XIRP2: variants seen among roughly 807,000 people sequenced by gnomAD.
The protein encoded by XIRP2 is xin actin-binding repeat-containing protein 2.
Under a neutral mutation model 277.0 loss-of-function variants are expected in XIRP2, and 236 were observed. That is an observed-to-expected ratio of 0.85 (90% CI 0.77 to 0.95). XIRP2 has a LOEUF of 0.95. XIRP2 is among the 40% of genes least tolerant of loss of function. The pLI is 0.00. For missense variants in XIRP2, 4,640 were observed against 4,157.5 expected (o/e 1.12, Z -3.19); for synonymous variants, 1,490 against 1,416.5 (o/e 1.05, Z -1.17).
chr2:167,151,150 A>G (rs79662242), intron 3 of XIRP2, among the ~76,000 whole-genome samples: 15,119 of 152,102 alleles, frequency 0.099, 810 homozygotes, highest in South Asian at 0.15. Flanking sequence ...TCATATTGCT[A>G]CTAAGCAATC....
chr2:167,020,207 T>C (rs754501544), intron 2 of XIRP2, among the ~76,000 whole-genome samples: 9 of 151,972 alleles, frequency 5.9e-5, no homozygotes, highest in African/African-American at 1.4e-4. Context: ...TCCTAAAAAA[T>C]AATACTAAAA....
intron 1 of XIRP2, among the ~76,000 whole-genome samples, chr2:166,897,314 C>T (rs958166778): frequency 5.3e-5 from 8 of 152,092 alleles, no homozygotes; most frequent in Admixed American, 5.2e-4. Flanking sequence ...GTGCCTACTG[C>T]CCTGTTGCTG....
intron 2 of XIRP2, among the ~76,000 whole-genome samples, chr2:166,940,860 G>T (rs528097788): frequency 1.3e-5 from 2 of 152,330 alleles, no homozygotes; most frequent in Admixed American, 6.5e-5. Flanking sequence ...GCCCCTACTT[G>T]GGGGTGCCTC....
At chr2:167,022,339 A>C (rs1376505498) in intron 2 of XIRP2, among the ~76,000 whole-genome samples, 1 of 152,138 alleles carries the variant, frequency 6.6e-6, no homozygotes. Context: ...TATGCAATAC[A>C]TGCTAAAGAC....
intron 3 of XIRP2, among the ~76,000 whole-genome samples, chr2:167,165,375 C>T (rs765549414): frequency 1.3e-5 from 2 of 152,148 alleles, no homozygotes; most frequent in African/African-American, 4.8e-5. Context: ...ATCATGATTG[C>T]TCAATCATAT....
At chr2:167,001,397 T>G (rs543614418) in intron 2 of XIRP2, among the ~76,000 whole-genome samples, 1 of 152,278 alleles carries the variant, frequency 6.6e-6, no homozygotes, top group African/African-American at 2.4e-5. Flanking sequence ...TCATATTGAA[T>G]AAGCAGATAA....
rs189006723 is a variant in XIRP2, at chr2:166,936,555, T to G, written c.408+32665T>G. Reference sequence around the variant, plus strand: ...GTTTTCATAGCTTTAGGTCTAACATTTAAGTCTATAATCCATCTTGAATTA... The same window carrying G: ...GTTTTCATAGCTTTAGGTCTAACATGTAAGTCTATAATCCATCTTGAATTA... On this transcript the variant is annotated intron_variant, in intron 2 of 10. Coordinates refer to ENST00000409195, the MANE Select transcript of XIRP2 (RefSeq NM_152381.6). Among the ~76,000 whole-genome samples the G allele has an allele frequency of 2.3e-3, 357 of 152,346 alleles. 2 individuals are homozygous for G. The highest frequency in any genetic ancestry group is 8.1e-3 in the African/African-American group (335 of 41,574).
In XIRP2 at chr2:166,907,212, T is replaced by A. The variant is rs530319265; in HGVS notation, c.408+3322T>A. On this transcript the variant is annotated intron_variant, in intron 2 of 10. Transcript: ENST00000409195. ...TATAATCCAAAGATACAAATTCGTG[T>A]AAGCATCCTCTCAAATAAATGACAT... 6.4e-4 allele frequency among the ~76,000 whole-genome samples: 98 copies of A among 152,300 alleles called. 3 individuals are homozygous for A. The highest frequency in any genetic ancestry group is 2.2e-3 in the African/African-American group (92 of 41,584).
chr2:166,941,959 GGTTCT>G (rs1473892176), intron 2 of XIRP2, among the ~76,000 whole-genome samples: 1 of 152,100 alleles, frequency 6.6e-6, no homozygotes, highest in East Asian at 1.9e-4. Context: ...GTATTTATCT[GGTTCT>G]GCTCTCCATC....
chr2:167,040,034 A>G (rs544527310), intron 2 of XIRP2, among the ~76,000 whole-genome samples: 1 of 152,296 alleles, frequency 6.6e-6, no homozygotes, highest in South Asian at 2.1e-4. Context: ...GTTCTATAAT[A>G]TGGATTGCTA....
intron 2 of XIRP2, among the ~76,000 whole-genome samples, chr2:167,019,416 T>C (rs140915703): frequency 1.3e-5 from 2 of 152,118 alleles, no homozygotes; most frequent in African/African-American, 4.8e-5. Flanking sequence ...GATAAGATTA[T>C]TTAGAAGGGT....
At chr2:167,220,788 A>T (rs1285126518) in intron 5 of XIRP2, among the ~76,000 whole-genome samples, 4 of 152,356 alleles carry the variant, frequency 2.6e-5, no homozygotes, top group Middle Eastern at 3.4e-3. Flanking sequence ...AGTTCTCAGC[A>T]TATGGTTTTC....
rs182973009 is a variant in XIRP2 at position 166,909,254 on chromosome 2, A to G, written c.408+5364A>G. ...TGATTCTTCCTATCCACGAGCATGG[A>G]ATGTTCTTCCATTTGTTTCTGACCT... On this transcript the variant is annotated intron_variant, in intron 2 of 10. Transcript: ENST00000409195. 6.8e-4 allele frequency among the ~76,000 whole-genome samples: 104 copies of G among 152,284 alleles called. No individual in the cohort carries two copies. The East Asian group carries it at 0.018, about 26-fold the overall frequency.
intron 2 of XIRP2, among the ~76,000 whole-genome samples, chr2:166,952,334 T>G (rs1170825108): frequency 6.6e-6 from 1 of 152,054 alleles, no homozygotes; most frequent in African/African-American, 2.4e-5. Context: ...TCACTGAATT[T>G]AAAATGAACA....
At chr2:167,111,229 G>C (rs1048596011) in intron 2 of XIRP2, among the ~76,000 whole-genome samples, 7 of 152,142 alleles carry the variant, frequency 4.6e-5, no homozygotes, top group African/African-American at 7.2e-5. Flanking sequence ...GGAGTGGTAA[G>C]AGAGGGCATC....
At chr2:166,906,619 C>G (rs1202874101) in intron 2 of XIRP2, among the ~76,000 whole-genome samples, 3 of 151,972 alleles carry the variant, frequency 2.0e-5, no homozygotes, top group African/African-American at 7.3e-5. Context: ...TTTGGTCAGA[C>G]AAACATTTAT....
chr2:167,239,795 A>G, intron 5 of XIRP2, 60 bp from the exon 6 acceptor site: 2 of 1,457,984 alleles, frequency 1.4e-6, no homozygotes, highest in South Asian at 1.3e-5. Flanking sequence ...TTGCACAAAT[A>G]AAAAAAGTTA....
intron 2 of XIRP2, among the ~76,000 whole-genome samples, chr2:166,934,203 A>C (rs1685428301): frequency 6.6e-6 from 1 of 150,712 alleles, no homozygotes; most frequent in Admixed American, 6.6e-5. Context: ...AGCAAAAAAA[A>C]AAAAAAAAAA....
At chr2:167,100,833 T>G (rs563679274) in intron 2 of XIRP2, among the ~76,000 whole-genome samples, 1 of 152,342 alleles carries the variant, frequency 6.6e-6, no homozygotes, top group South Asian at 2.1e-4. Flanking sequence ...CTAGATGAAG[T>G]CATATTTTAA....
Sources: gnomAD v4.1 joint callset for allele counts (sites outside exome capture counted in the v4.1 genomes callset) on GRCh38, gnomAD v4.1.1 for gene constraint, MANE v1.5 for transcripts, NCBI Gene and HGNC (gene_info 2026-07-23, HGNC 2026-07-21) for gene names.